SMYD2: variants seen among roughly 807,000 people sequenced by gnomAD.
SMYD2 encodes N-lysine methyltransferase SMYD2.
In SMYD2, 53 loss-of-function variants were observed where a neutral mutation model predicts 59.1. The ratio of observed to expected loss-of-function variants is 0.90; its 90% confidence interval spans 0.72 to 1.13. The LOEUF (loss-of-function observed/expected upper bound fraction) is 1.13. SMYD2 is among the 50% of genes most tolerant of loss of function. The pLI is 0.00. For missense variants in SMYD2, 494 were observed against 544.7 expected (o/e 0.91, Z 0.93); for synonymous variants, 208 against 198.8 (o/e 1.05, Z -0.39).
intron 1 of SMYD2, among the ~76,000 whole-genome samples, chr1:214,290,692 G>C (rs1400585509): frequency 6.6e-6 from 1 of 152,146 alleles, no homozygotes; most frequent in African/African-American, 2.4e-5. Flanking sequence ...ATGTATCTTG[G>C]GGGAGGGACG....
chr1:214,285,399 A>ACTG (rs1179936956), intron 1 of SMYD2, among the ~76,000 whole-genome samples: 4 of 152,202 alleles, frequency 2.6e-5, no homozygotes, highest in African/African-American at 9.6e-5. Flanking sequence ...TGTGCCCAGG[A>ACTG]CTGCTATGAC....
chr1:214,313,302 A>C (rs1657028421), intron 2 of SMYD2, among the ~76,000 whole-genome samples: 1 of 151,868 alleles, frequency 6.6e-6, no homozygotes, highest in Non-Finnish European at 1.5e-5. Flanking sequence ...TTTTTAGTAG[A>C]GATGGGGTTT....
chr1:214,282,547 G>A (rs1286319945), intron 1 of SMYD2, among the ~76,000 whole-genome samples: 1 of 152,160 alleles, frequency 6.6e-6, no homozygotes, highest in Non-Finnish European at 1.5e-5. Flanking sequence ...CTGACCTGCG[G>A]TCCTGCAGGG....
chr1:214,316,405 C>T (rs181101286), intron 3 of SMYD2, among the ~76,000 whole-genome samples: 1 of 151,880 alleles, frequency 6.6e-6, no homozygotes, highest in Non-Finnish European at 1.5e-5. Flanking sequence ...TACTGGAACC[C>T]GGAACTTCAA....
rs1420126692 is a variant in SMYD2 at position 214,336,801 on chromosome 1, A to G, written c.*17A>G. 11 of 1,607,028 alleles carry G rather than the reference A, an allele frequency of 6.8e-6. No individual in the cohort carries two copies. The highest frequency in any genetic ancestry group is 9.4e-6 in the Non-Finnish European group (11 of 1,175,998). On this transcript the variant is annotated 3_prime_UTR_variant, in exon 12 of 12. Coordinates refer to ENST00000366957, the MANE Select transcript of SMYD2 (RefSeq NM_020197.3). Reference sequence around the variant, plus strand: ...AGCCACTGAAACTATGCAGCATTTCAGTTTTCATTTAAACACTTAGTTCAG... The same window carrying G: ...AGCCACTGAAACTATGCAGCATTTCGGTTTTCATTTAAACACTTAGTTCAG...
rs554234048 is a variant in SMYD2, at chr1:214,336,963, A to T, written c.*179A>T. The T allele has an allele frequency of 9.3e-5, 48 of 517,878 alleles. 2 individuals are homozygous for T. The South Asian group carries it at 1.4e-3, about 15-fold the overall frequency. 32.1% of individuals were successfully genotyped at this position (517,878 alleles called of 1,614,324 possible). On this transcript the variant is annotated 3_prime_UTR_variant, in exon 12 of 12. Transcript: ENST00000366957. ...GAGGTTAGTCTGAATCTTGAACTTTAATACCAAATTAATTTTGAATGCTTT... is the reference window on the plus strand; with the variant it reads ...GAGGTTAGTCTGAATCTTGAACTTTTATACCAAATTAATTTTGAATGCTTT...
rs1428890886 is a variant in SMYD2 at position 214,327,610 on chromosome 1, TCTGA to T, written c.603-6_603-3del. 6.8e-6 allele frequency: 11 copies of T among 1,612,844 alleles called. No individual in the cohort carries two copies. Among genetic ancestry groups the T allele is most frequent in the Admixed American group, 3.3e-5 (2 of 60,004 alleles). On this transcript the variant is annotated splice_polypyrimidine_tract_variant and splice_region_variant and intron_variant, in intron 6 of 11. Transcript: ENST00000366957. ...TCATTTTAAAAACTGGGTTTTCTCT[TCTGA>T]CTGACAGTGTTGCATTGATGAATCA...
chr1:214,312,108 C>T lies in SMYD2; in HGVS notation c.238-2654C>T, dbSNP rs1329212603. The stretch of plus-strand genomic sequence containing the variant: ...TGGCTAAAAACAGATTCTCTTCTCC[C>T]TTGTGCATATCTTGTCATTTCTTTT... On this transcript the variant is annotated intron_variant, in intron 2 of 11. Coordinates refer to ENST00000366957, the MANE Select transcript of SMYD2 (RefSeq NM_020197.3). The surrounding 1 kb of genome is among the most constrained non-coding windows in gnomAD (Gnocchi z 4.1). 6.6e-6 allele frequency among the ~76,000 whole-genome samples: 1 copy of T among 152,220 alleles called. No individual in the cohort carries two copies. Among genetic ancestry groups the T allele is most frequent in the African/African-American group, 2.4e-5 (1 of 41,466 alleles).
intron 1 of SMYD2, among the ~76,000 whole-genome samples, chr1:214,288,625 A>C (rs1197792353): frequency 6.6e-6 from 1 of 152,262 alleles, no homozygotes. Flanking sequence ...CATTGTTTAA[A>C]GAATTATTTA....
rs189548767 is a variant in SMYD2, at chr1:214,330,104, C to T, written c.706-64C>T. ...GGCCCTGCAGGTGACTGCAAAGGCACGGGAATGACAAGGATTGAGTTTACC... is the reference window on the plus strand; with the variant it reads ...GGCCCTGCAGGTGACTGCAAAGGCATGGGAATGACAAGGATTGAGTTTACC... On this transcript the variant is annotated intron_variant, in intron 7 of 11. Transcript: ENST00000366957. The T allele has an allele frequency of 6.5e-4, 740 of 1,143,992 alleles. 3 individuals are homozygous for T. Among genetic ancestry groups the T allele is most frequent in the Non-Finnish European group, 7.2e-4 (569 of 794,456 alleles). 70.9% of individuals were successfully genotyped at this position (1,143,992 alleles called of 1,614,324 possible).
At chr1:214,297,772 G>A (rs897648593) in intron 1 of SMYD2, among the ~76,000 whole-genome samples, 2 of 152,154 alleles carry the variant, frequency 1.3e-5, no homozygotes, top group African/African-American at 4.8e-5. Context: ...GATCAAAGGC[G>A]ATTCTTATGT....
intron 8 of SMYD2, among the ~76,000 whole-genome samples, chr1:214,330,727 TAAG>T (rs1657338958): frequency 6.6e-6 from 1 of 152,264 alleles, no homozygotes; most frequent in Non-Finnish European, 1.5e-5. Flanking sequence ...ACATTTTAGA[TAAG>T]GAGTATCTAG....
At chr1:214,332,264 T>C in intron 10 of SMYD2, 72 bp downstream of exon 10, 7 of 1,536,184 alleles carry the variant, frequency 4.6e-6, no homozygotes, top group Non-Finnish European at 6.2e-6. Flanking sequence ...GATAGTGTCA[T>C]CTTCCTGCCC....
chr1:214,294,447 G>C (rs1172689955), intron 1 of SMYD2, among the ~76,000 whole-genome samples: 2 of 152,190 alleles, frequency 1.3e-5, no homozygotes, highest in Non-Finnish European at 2.9e-5. Context: ...ACGGGCGGAT[G>C]GCTTGAGGAC....
rs1298135772 is a variant in SMYD2 at position 214,312,868 on chromosome 1, T to C, written c.238-1894T>C. On this transcript the variant is annotated intron_variant, in intron 2 of 11. Transcript: ENST00000366957. The surrounding 1 kb of genome is among the most constrained non-coding windows in gnomAD (Gnocchi z 4.1). ...GAGGACTGGCCTGATCCGAGTTTTG[T>C]CAACAGAATCCCTCAGGCTGCTCTC... Among the ~76,000 whole-genome samples, 4 of 152,302 alleles carry C rather than the reference T, an allele frequency of 2.6e-5. No homozygotes were observed. Among genetic ancestry groups the C allele is most frequent in the African/African-American group, 9.6e-5 (4 of 41,570 alleles).
intron 1 of SMYD2, among the ~76,000 whole-genome samples, chr1:214,300,433 G>A (rs750098625): frequency 6.6e-6 from 1 of 151,946 alleles, no homozygotes; most frequent in Non-Finnish European, 1.5e-5. Context: ...AGCACAATGG[G>A]TTGAGAGACG....
chr1:214,313,640 A>G (rs867242901), intron 2 of SMYD2, among the ~76,000 whole-genome samples: 3 of 151,998 alleles, frequency 2.0e-5, no homozygotes, highest in African/African-American at 7.3e-5. Context: ...TATGAAAATC[A>G]TCAAGCTTCC....
At chr1:214,329,780 C>T (rs1048578392) in intron 7 of SMYD2, among the ~76,000 whole-genome samples, 2 of 152,174 alleles carry the variant, frequency 1.3e-5, no homozygotes, top group South Asian at 2.1e-4. Context: ...CCAGTGATGA[C>T]GGCAACGAAG....
intron 1 of SMYD2, among the ~76,000 whole-genome samples, chr1:214,302,997 AT>A (rs1179425977): frequency 6.6e-6 from 1 of 151,642 alleles, no homozygotes. Context: ...TGAGCCTTTA[AT>A]TTTTTTTGTT....
Sources: allele counts gnomAD v4.1 joint callset (sites outside exome capture counted in the v4.1 genomes callset), GRCh38; gene constraint gnomAD v4.1.1; non-coding constraint Gnocchi (gnomAD v3.1); transcripts MANE v1.5; gene names NCBI Gene and HGNC (gene_info 2026-07-23, HGNC 2026-07-21).